The following ZSWIM8 variants were observed in gnomAD, a reference collection of about 807,000 sequenced individuals.
The protein encoded by ZSWIM8 is zinc finger SWIM-type containing 8.
A neutral mutation model predicts 173.7 loss-of-function variants in ZSWIM8; 27 were observed. The ratio of observed to expected loss-of-function variants is 0.16; its 90% confidence interval spans 0.11 to 0.21. ZSWIM8 has a LOEUF of 0.21. ZSWIM8 is among the 10% of genes least tolerant of loss of function. The probability of loss-of-function intolerance (pLI) is 1.00; values close to 1 mark genes in which losing one functional copy is unlikely to be tolerated. For missense variants in ZSWIM8, 1,627 were observed against 2,428.8 expected, an observed-to-expected ratio of 0.67 and a Z score of 6.94; for synonymous variants, 958 against 962.0, an observed-to-expected ratio of 1.00 and a Z score of 0.08.
intron 7 of ZSWIM8, 132 bp downstream of exon 7, chr10:73,790,424 C>T: frequency 7.7e-7 from 1 of 1,301,616 alleles, no homozygotes; most frequent in Admixed American, 2.5e-5. Context: ...GTGCCTGGCA[C>T]ACAGTTGTCA....
Position 73,792,765 on chromosome 10 carries a change from C to T in ZSWIM8, c.2226C>T (p.Gly742=), listed in dbSNP as rs2083464514. The part of the protein sequence containing the change: ...YYLNAQDGAG[G]EEEKAEGGAG... ...TGAATGCCCAGGATGGGGCTGGGGG[C>T]GAGGAAGAGAAGGCCGAGGGCGGGG... Residue 742 remains glycine (G), a synonymous_variant, in exon 10 of 26, where the codon GGC becomes GGT. Coordinates refer to ENST00000604729, the MANE Select transcript of ZSWIM8 (RefSeq NM_001367799.1). The surrounding 1 kb of genome is among the most constrained non-coding windows in gnomAD (Gnocchi z 4.3). The T allele has an allele frequency of 1.9e-6, 3 of 1,610,294 alleles. No individual in the cohort carries two copies. Among genetic ancestry groups the T allele is most frequent in the Non-Finnish European group, 1.7e-6 (2 of 1,179,226 alleles).
Position 73,800,142 on chromosome 10 carries a change from A to G in ZSWIM8, c.4797A>G (p.Pro1599=). The part of the protein sequence containing the change: ...PITVHPYHTE[P]GLPLPTSVAL... ...CAGTACATCCCTACCACACAGAGCC[A>G]GGGCTTCCACTGCCCACCAGTGTGG... is the stretch of plus-strand genomic sequence containing the variant. Residue 1599 remains proline, a synonymous_variant, in exon 22 of 26, where the codon CCA becomes CCG. Coordinates refer to ENST00000604729, the MANE Select transcript of ZSWIM8 (RefSeq NM_001367799.1). The surrounding 1 kb of genome is among the most constrained non-coding windows in gnomAD (Gnocchi z 4.1). 1 of 1,613,774 alleles carries G rather than the reference A, an allele frequency of 6.2e-7. No homozygotes were observed. The highest frequency in any genetic ancestry group is 8.5e-7 in the Non-Finnish European group (1 of 1,179,836).
In ZSWIM8 at chr10:73,798,060, C is replaced by A. The variant is rs766385974; in HGVS notation, c.3942C>A (p.Ser1314=). The A allele has an allele frequency of 6.2e-7, 1 of 1,613,362 alleles. No individual in the cohort carries two copies. ...WLSRTYSSHV[S]WITGQAMEIG... Reference sequence around the variant, plus strand: ...CACGTACTTATTCTTCCCACGTTTCCTGGATTACAGGTAAATCATTTGACC... The same window carrying A: ...CACGTACTTATTCTTCCCACGTTTCATGGATTACAGGTAAATCATTTGACC... The change falls in exon 19 of 26, where the codon TCC becomes TCA. Residue 1314 remains serine, a synonymous_variant. Transcript: ENST00000604729.
Position 73,797,181 on chromosome 10 carries a change from A to G in ZSWIM8, c.3343A>G (p.Lys1115Glu). The change falls in exon 17 of 26, where the codon AAG becomes GAG. Residue 1115 changes from lysine (K) to glutamate (E), a missense_variant. Transcript: ENST00000604729. The surrounding 1 kb of genome is among the most constrained non-coding windows in gnomAD (Gnocchi z 5.6). ...AGCTTTGACCCCAAGGCCAGAAGGG[A>G]AGGTTCCTAGCCGCTTGGCACTTGG... ...EAALTPRPEG[K>E]VPSRLALGSR... 2 of 1,613,910 alleles carry G rather than the reference A, an allele frequency of 1.2e-6. No individual in the cohort carries two copies. Among genetic ancestry groups the G allele is most frequent in the Non-Finnish European group, 1.7e-6 (2 of 1,179,854 alleles).
In ZSWIM8 at chr10:73,785,646, C is replaced by A. The variant is rs1027065072; in HGVS notation, c.-233C>A. ...CCAGCCGCCGAGCGCTTCGTCCCGG[C>A]CCTAAGTCTCGGAGACTGGCCAAGA... On this transcript the variant is annotated 5_prime_UTR_variant, in exon 1 of 26. Transcript: ENST00000604729. 3.5e-5 allele frequency: 21 copies of A among 604,706 alleles called. No individual in the cohort carries two copies. The African/African-American group carries it at 3.7e-4, about 11-fold the overall frequency. The allele number at this position is 604,706 out of a possible 1,614,324, so 37.5% of individuals were successfully genotyped here. A position where few individuals can be genotyped will look rare whatever the true frequency, so the allele number is the denominator to read the frequency against.
Position 73,789,577 on chromosome 10 carries a change from C to G in ZSWIM8, c.630+38C>G, listed in dbSNP as rs1188969576. The stretch of plus-strand genomic sequence containing the variant: ...CAATTTATCCCGGCCCTATCCTACA[C>G]TCCATCCCCCCCTTCTCTGCTGCAT... On this transcript the variant is annotated intron_variant, in intron 4 of 25. Transcript: ENST00000604729. The surrounding 1 kb of genome is among the most constrained non-coding windows in gnomAD (Gnocchi z 6.8). The G allele has an allele frequency of 3.8e-6, 6 of 1,599,762 alleles. No homozygotes were observed. The highest frequency in any genetic ancestry group is 5.1e-6 in the Non-Finnish European group (6 of 1,173,634).
rs1482956931 is a variant in ZSWIM8 at position 73,792,778 on chromosome 10, G to T, written c.2239G>T (p.Ala747Ser). The change falls in exon 10 of 26, where the codon GCC becomes TCC. Residue 747 changes from alanine to serine, a missense_variant. Physicochemically the swap from Ala to Ser is moderately conservative, Grantham distance 99 (BLOSUM62 1). This residue lies in a region of ZSWIM8 where 383 missense variants were observed against 394.8 expected (regional missense o/e 0.97). Coordinates refer to ENST00000604729, the MANE Select transcript of ZSWIM8 (RefSeq NM_001367799.1). The surrounding 1 kb of genome is among the most constrained non-coding windows in gnomAD (Gnocchi z 4.3). The stretch of plus-strand genomic sequence containing the variant: ...TGGGGCTGGGGGCGAGGAAGAGAAG[G>T]CCGAGGGCGGGGCTGGGGAGGAGCA... ...QDGAGGEEEK[A>S]EGGAGEEHDL... 5.0e-6 allele frequency: 8 copies of T among 1,609,960 alleles called. No homozygotes were observed. In the South Asian group the frequency reaches 8.8e-5, roughly 18 times the overall value.
Position 73,799,014 on chromosome 10 carries a change from T to C in ZSWIM8, c.4189T>C (p.Leu1397=), listed in dbSNP as rs199516147. The C allele has an allele frequency of 3.7e-6, 6 of 1,609,070 alleles. No homozygotes were observed. In the Admixed American group the frequency reaches 5.0e-5, roughly 13 times the overall value. The change falls in exon 21 of 26, where the codon TTG becomes CTG. Residue 1397 remains leucine (L), a synonymous_variant. Coordinates refer to ENST00000604729, the MANE Select transcript of ZSWIM8 (RefSeq NM_001367799.1). The part of the protein sequence containing the change: ...VQCKEQDNLM[L]EKACMAVEEA... ...CCCTCTCTTCCAGGACAACCTGATGTTGGAGAAGGCCTGCATGGCAGTGGA... is the reference window on the plus strand; with the variant it reads ...CCCTCTCTTCCAGGACAACCTGATGCTGGAGAAGGCCTGCATGGCAGTGGA...
chr10:73,793,778 GC>G, intron 11 of ZSWIM8, 59 bp downstream of exon 11: 1 of 1,345,326 alleles, frequency 7.4e-7, no homozygotes, highest in Admixed American at 2.2e-5. Flanking sequence ...CTGCTCCCAT[GC>G]CCCACCCCAA....
chr10:73,792,283 G>A lies in ZSWIM8; in HGVS notation c.1744G>A (p.Gly582Arg), dbSNP rs779742071. Residue 582 changes from glycine (G) to arginine (R), a missense_variant, in exon 10 of 26, where the codon GGG becomes AGG. Coordinates refer to ENST00000604729, the MANE Select transcript of ZSWIM8 (RefSeq NM_001367799.1). The surrounding 1 kb of genome is among the most constrained non-coding windows in gnomAD (Gnocchi z 4.3). ...DKALHKMGPG[G>R]GKAKALGGAG... ...AGCTCTACATAAGATGGGTCCAGGTGGGGGCAAAGCCAAGGCACTGGGTGG... is the reference window on the plus strand; with the variant it reads ...AGCTCTACATAAGATGGGTCCAGGTAGGGGCAAAGCCAAGGCACTGGGTGG... The A allele has an allele frequency of 3.7e-6, 6 of 1,608,506 alleles. No homozygotes were observed. The highest frequency in any genetic ancestry group is 4.2e-6 in the Non-Finnish European group (5 of 1,177,024).
Position 73,792,273 on chromosome 10 carries a change from G to C in ZSWIM8, c.1734G>C (p.Met578Ile). 6.2e-7 allele frequency: 1 copy of C among 1,600,708 alleles called. No individual in the cohort carries two copies. Among genetic ancestry groups the C allele is most frequent in the Non-Finnish European group, 8.5e-7 (1 of 1,172,876 alleles). Residue 578 changes from methionine to isoleucine, a missense_variant, in exon 10 of 26, where the codon ATG becomes ATC. Physicochemically the swap from Met to Ile is conservative, Grantham distance 10. Transcript: ENST00000604729. This position sits in a 1 kb window ranked among gnomAD's most constrained non-coding sequence, Gnocchi z 4.3. ...AEGGDKALHK[M>I]GPGGGKAKAL... Reference sequence around the variant, plus strand: ...GGGGAGATAAAGCTCTACATAAGATGGGTCCAGGTGGGGGCAAAGCCAAGG... The same window carrying C: ...GGGGAGATAAAGCTCTACATAAGATCGGTCCAGGTGGGGGCAAAGCCAAGG...
rs761110334 is a variant in ZSWIM8 at position 73,792,237 on chromosome 10, C to T, written c.1698C>T (p.Leu566=). ...VPSSQRGPRR[L]SAEGGDKALH... is the part of the protein sequence containing the mutation. ...CATCACAGCGGGGTCCCCGCCGCCT[C>T]TCAGCTGAAGGGGGAGATAAAGCTC... is the stretch of plus-strand genomic sequence containing the variant. The change falls in exon 10 of 26, where the codon CTC becomes CTT. Residue 566 remains leucine, a synonymous_variant. Coordinates refer to ENST00000604729, the MANE Select transcript of ZSWIM8 (RefSeq NM_001367799.1). This position sits in a 1 kb window ranked among gnomAD's most constrained non-coding sequence, Gnocchi z 4.3. 3 of 1,564,070 alleles carry T rather than the reference C, an allele frequency of 1.9e-6. No homozygotes were observed. Among genetic ancestry groups the T allele is most frequent in the Admixed American group, 1.8e-5 (1 of 54,144 alleles).
chr10:73,799,162 G>C lies in ZSWIM8; in HGVS notation c.4337G>C (p.Cys1446Ser). ...SSTAREGATS[C>S]SASGIRAGGE... ...ACAGCCCGTGAAGGGGCTACAAGCT[G>C]TAGTGCCAGTGGGATCAGGGCAGGT... Residue 1446 changes from cysteine to serine, a missense_variant, in exon 21 of 26, where the codon TGT becomes TCT. Cys to Ser is a moderately radical substitution (Grantham distance 112, BLOSUM62 -1). Coordinates refer to ENST00000604729, the MANE Select transcript of ZSWIM8 (RefSeq NM_001367799.1). The C allele has an allele frequency of 1.2e-6, 2 of 1,612,426 alleles. No individual in the cohort carries two copies. Among genetic ancestry groups the C allele is most frequent in the South Asian group, 2.2e-5 (2 of 90,818 alleles).
In ZSWIM8 at chr10:73,797,680, TTG is replaced by T; in HGVS notation, c.3662+77_3662+78del. On this transcript the variant is annotated intron_variant, in intron 18 of 25. Transcript: ENST00000604729. This position sits in a 1 kb window ranked among gnomAD's most constrained non-coding sequence, Gnocchi z 5.6. ...CCACACCCCTAGTGCAATCCAACCA[TTG>T]TCTCCCAGCATCCTCACTTTCCCTG... The T allele has an allele frequency of 6.4e-7, 1 of 1,571,236 alleles. No individual in the cohort carries two copies. The highest frequency in any genetic ancestry group is 8.7e-7 in the Non-Finnish European group (1 of 1,153,586).
Position 73,797,594 on chromosome 10 carries a change from T to A in ZSWIM8, c.3651T>A (p.Val1217=). The A allele has an allele frequency of 6.2e-7, 1 of 1,613,810 alleles. No individual in the cohort carries two copies. The highest frequency in any genetic ancestry group is 8.5e-7 in the Non-Finnish European group (1 of 1,179,824). ...GTGGAGGAGCCCGGGCGAAGACTGT[T>A]GAAGTTGGCAGGTCAGTGGGAAGAA... ...SASGGARAKT[V]EVGRYKGRRP... The change falls in exon 18 of 26, where the codon GTT becomes GTA. Residue 1217 remains valine (V), a synonymous_variant. Coordinates refer to ENST00000604729, the MANE Select transcript of ZSWIM8 (RefSeq NM_001367799.1). This position sits in a 1 kb window ranked among gnomAD's most constrained non-coding sequence, Gnocchi z 5.6.
Position 73,797,566 on chromosome 10 carries a change from C to G in ZSWIM8, c.3623C>G (p.Ala1208Gly), listed in dbSNP as rs977848951. The G allele has an allele frequency of 6.2e-7, 1 of 1,613,956 alleles. No homozygotes were observed. Among genetic ancestry groups the G allele is most frequent in the East Asian group, 2.2e-5 (1 of 44,872 alleles). The change falls in exon 18 of 26, where the codon GCC becomes GGC. Residue 1208 changes from alanine to glycine, a missense_variant. Physicochemically the swap from Ala to Gly is moderately conservative, Grantham distance 60. This residue lies in a region of ZSWIM8 where 72 missense variants were observed against 98.4 expected (regional missense o/e 0.73). Coordinates refer to ENST00000604729, the MANE Select transcript of ZSWIM8 (RefSeq NM_001367799.1). The surrounding 1 kb of genome is among the most constrained non-coding windows in gnomAD (Gnocchi z 5.6). ...SSSSGSRRAS[A>G]SGGARAKTVE... ...TCCAGTGGAAGTCGCCGGGCCAGTG[C>G]CAGTGGAGGAGCCCGGGCGAAGACT...
At chr10:73,796,599 A>T in intron 15 of ZSWIM8, 175 bp from the exon 16 acceptor site, 1 of 800,304 alleles carries the variant, frequency 1.2e-6, no homozygotes, top group Non-Finnish European at 1.9e-6. Flanking sequence ...TGTTGGGGTT[A>T]AATAAGTTAC....
chr10:73,790,429 T>A (rs778897998), intron 7 of ZSWIM8, 137 bp downstream of exon 7: 14 of 1,299,070 alleles, frequency 1.1e-5, no homozygotes, highest in Non-Finnish European at 1.5e-5. Context: ...TGGCACACAG[T>A]TGTCACTAAC....
rs967722465 is a variant in ZSWIM8, at chr10:73,797,845, GCA to G, written c.3731_3732del (p.His1244LeufsTer99). The G allele has an allele frequency of 6.2e-7, 1 of 1,613,640 alleles. No homozygotes were observed. The highest frequency in any genetic ancestry group is 8.5e-7 in the Non-Finnish European group (1 of 1,179,856). ...ACCCAATCAGCCATCAGAGGCAGCTGCACACTTCTACTTCGAGCTGGCGAAGA... is the reference window on the plus strand; with the variant it reads ...ACCCAATCAGCCATCAGAGGCAGCTGCACTTCTACTTCGAGCTGGCGAAGA... ...HVPNQPSEAA[A>X]HFYFELAKTV... On this transcript the variant is annotated frameshift_variant, in exon 19 of 26. Transcript: ENST00000604729. LOFTEE classifies it high-confidence loss of function. The surrounding 1 kb of genome is among the most constrained non-coding windows in gnomAD (Gnocchi z 5.6).
Sources: gnomAD v4.1 joint callset for allele counts on GRCh38, gnomAD v4.1.1 for gene constraint, gnomAD v4.1.1 regional missense constraint, Gnocchi (gnomAD v3.1) non-coding constraint, MANE v1.5 for transcripts, NCBI Gene and HGNC (gene_info 2026-07-23, HGNC 2026-07-21) for gene names.